The following TENM1 variants were observed in gnomAD, a reference collection of about 807,000 sequenced individuals.
TENM1 encodes the protein teneurin-1.
A neutral mutation model predicts 174.8 loss-of-function variants in TENM1; 35 were observed. The ratio of observed to expected loss-of-function variants is 0.20; its 90% CI spans 0.15 to 0.27. TENM1 has a LOEUF of 0.27. TENM1 is among the 10% of genes least tolerant of loss of function. TENM1 has a pLI of 1.00. For missense variants in TENM1, 1,633 were observed against 2,130.1 expected (o/e 0.77, Z 4.59); for synonymous variants, 781 against 798.7 (o/e 0.98, Z 0.37).
chrX:124,595,947 G>A (rs1482607557), intron 11 of TENM1, among the ~76,000 whole-genome samples: 1 of 112,023 alleles, frequency 8.9e-6, no homozygotes, highest in African/African-American at 3.2e-5. Flanking sequence ...ACGGGAAGCT[G>A]TAAAAATTCA....
intron 16 of TENM1, 58 bp from the exon 20 acceptor site, chrX:124,523,683 TA>T (rs748337506): frequency 1.6e-4 from 184 of 1,116,076 alleles, no homozygotes; most frequent in African/African-American, 1.5e-3. Flanking sequence ...AAATTACAGT[TA>T]AAAAATAGGT....
At chrX:124,857,156 A>T (rs142745043) in intron 3 of TENM1, among the ~76,000 whole-genome samples, 2,911 of 111,356 alleles carry the variant, frequency 0.026, 48 homozygotes, top group Non-Finnish European at 0.04. Context: ...CACAGATATG[A>T]TCAGATTATT....
chrX:124,408,488 T>C (rs1250608918), intron 25 of TENM1, among the ~76,000 whole-genome samples: 1 of 110,943 alleles, frequency 9.0e-6, no homozygotes, highest in Non-Finnish European at 1.9e-5. Context: ...GGCAGGAGTT[T>C]GCAGGCAGTA....
intron 18 of TENM1, among the ~76,000 whole-genome samples, chrX:124,508,666 G>C (rs1368118132): frequency 1.8e-5 from 2 of 112,044 alleles, no homozygotes; most frequent in African/African-American, 6.5e-5. Flanking sequence ...TTGCCAAGAG[G>C]TTCCGTACAG....
intron 6 of TENM1, among the ~76,000 whole-genome samples, chrX:124,666,541 CA>C (rs2051770039): frequency 9.0e-6 from 1 of 111,436 alleles, no homozygotes; most frequent in Non-Finnish European, 1.9e-5. Context: ...CAAACACATA[CA>C]AAACACCCTT....
At chrX:125,095,923 A>G in the TENM1 span, among the ~76,000 whole-genome samples, 1 of 111,688 alleles carries the variant, frequency 9.0e-6, no homozygotes, top group African/African-American at 3.3e-5. Context: ...CTTGAAAAAA[A>G]GGTTTGCAAA....
the TENM1 span, among the ~76,000 whole-genome samples, chrX:125,044,699 T>G: frequency 9.0e-6 from 1 of 111,263 alleles, no homozygotes; most frequent in Non-Finnish European, 1.9e-5. Context: ...TTGTCAACCT[T>G]GAAAACTTTC....
chrX:124,655,935 C>G (rs1346179395), intron 6 of TENM1, among the ~76,000 whole-genome samples: 1 of 112,053 alleles, frequency 8.9e-6, no homozygotes, highest in Non-Finnish European at 1.9e-5. Context: ...AGTCCTAGAG[C>G]TGACAATGTC....
In TENM1 at chrX:124,420,830, G is replaced by A; in HGVS notation, c.4472-9C>T. 23 of 1,200,058 alleles carry A rather than the reference G, an allele frequency of 1.9e-5. No homozygotes were observed. The highest frequency in any genetic ancestry group is 2.6e-5 in the Non-Finnish European group (23 of 886,443). The stretch of plus-strand genomic sequence containing the variant: ...GGCATAGCCACCATCACCTGTGGGA[G>A]AAAGACTTGATTTTAACAATTGGCA... On this transcript the variant is annotated splice_polypyrimidine_tract_variant and intron_variant, in intron 24 of 31. Coordinates refer to ENST00000422452, the Ensembl canonical transcript of TENM1.
intron 3 of TENM1, among the ~76,000 whole-genome samples, chrX:124,845,769 G>A (rs756864207): frequency 9.1e-6 from 1 of 110,021 alleles, no homozygotes; most frequent in Non-Finnish European, 1.9e-5. Context: ...GGGCATGTAC[G>A]GAAGCGGGTA....
chrX:124,592,729 C>T (rs1296864962), intron 11 of TENM1, among the ~76,000 whole-genome samples: 3 of 107,524 alleles, frequency 2.8e-5, no homozygotes, highest in African/African-American at 1.0e-4. Context: ...GGATTATAGG[C>T]GTGAGCCACC....
chrX:124,761,100 G>A (rs907013730), intron 3 of TENM1, among the ~76,000 whole-genome samples: 1 of 111,530 alleles, frequency 9.0e-6, no homozygotes, highest in African/African-American at 3.3e-5. Context: ...GTTGGTGGGA[G>A]GGTAAACTAG....
chrX:124,987,701 T>G, the TENM1 span, among the ~76,000 whole-genome samples: 1 of 91,384 alleles, frequency 1.1e-5, no homozygotes, highest in Non-Finnish European at 2.2e-5. Flanking sequence ...GTTCTGCATT[T>G]TGTGTGTGTG....
chrX:124,452,580 T>C (rs2061051848), intron 23 of TENM1, among the ~76,000 whole-genome samples: 2 of 110,961 alleles, frequency 1.8e-5, no homozygotes, highest in Admixed American at 1.9e-4. Context: ...CGTATGTTTA[T>C]TGTGGCACTA....
the TENM1 span, among the ~76,000 whole-genome samples, chrX:125,057,822 T>G: frequency 9.0e-6 from 1 of 111,489 alleles, no homozygotes; most frequent in Non-Finnish European, 1.9e-5. Context: ...TTCAGGATGA[T>G]AATTAAGAGA....
At position 124,437,104 on chromosome X, in the gene TENM1, A is replaced by ATT. The variant is rs35632932; in HGVS notation, c.4105-14468_4105-14467dup. Among the ~76,000 whole-genome samples, 67 of 34,917 alleles carry ATT rather than the reference A, an allele frequency of 1.9e-3. 4 individuals carry two copies. Among genetic ancestry groups the ATT allele is most frequent in the Middle Eastern group, 0.022 (1 of 46 alleles). 30.3% of individuals were successfully genotyped at this position (34,917 alleles called of 115,157 possible). ...TACAGGCACCCACCATGCTCGGCTA[A>ATT]TTTTTTTTTTTTTTTTTTTTTTTTT... On this transcript the variant is annotated intron_variant, in intron 23 of 31. Coordinates refer to ENST00000422452, the Ensembl canonical transcript of TENM1.
intron 3 of TENM1, among the ~76,000 whole-genome samples, chrX:124,830,882 C>T (rs1016814644): frequency 8.9e-6 from 1 of 111,962 alleles, no homozygotes; most frequent in African/African-American, 3.2e-5. Context: ...GGGCTAAGAG[C>T]ATCACATATA....
exon 28 of TENM1, chrX:124,392,261 G>T (rs1196610955): frequency 8.3e-7 from 1 of 1,209,995 alleles, no homozygotes; most frequent in South Asian, 1.8e-5. Flanking sequence ...TAAAGAATTC[G>T]AAGGGTGAAT....
At chrX:124,955,357 G>C (rs2058554959) in intron 1 of TENM1, among the ~76,000 whole-genome samples, 1 of 111,378 alleles carries the variant, frequency 9.0e-6, no homozygotes, top group South Asian at 3.8e-4. Context: ...TTAATGTCCA[G>C]TCAAAGTGGA....
Sources: gnomAD v4.1 joint callset for allele counts (sites outside exome capture counted in the v4.1 genomes callset) on GRCh38, gnomAD v4.1.1 for gene constraint, MANE v1.5 for transcripts, NCBI Gene and HGNC (gene_info 2026-07-23, HGNC 2026-07-21) for gene names.